The following EYS variants were observed in gnomAD, a reference collection of about 807,000 sequenced individuals.
EYS encodes the protein EGF-like photoreceptor maintenance factor.
EYS carries 250 observed loss-of-function variants against 282.1 expected under a neutral mutation model. The ratio of observed to expected loss-of-function variants is 0.89; its 90% CI spans 0.80 to 0.98. The LOEUF is 0.98. Among genes scored for constraint, EYS ranks in the 50% least tolerant of loss-of-function variants. The pLI is 0.00. For missense variants in EYS, 4,016 were observed against 3,709.0 expected (o/e 1.08, Z -2.15); for synonymous variants, 1,355 against 1,282.9 (o/e 1.06, Z -1.20).
intron 22 of EYS, among the ~76,000 whole-genome samples, chr6:64,792,931 C>T (rs184341095): frequency 6.7e-6 from 1 of 149,830 alleles, no homozygotes; most frequent in Admixed American, 6.8e-5. Flanking sequence ...ATTGTTATGG[C>T]TGATTTTTTA....
At chr6:65,543,328 A>G (rs1021776774) in intron 2 of EYS, among the ~76,000 whole-genome samples, 3 of 150,480 alleles carry the variant, frequency 2.0e-5, no homozygotes, top group African/African-American at 7.3e-5. Context: ...ATTATTTTAC[A>G]TTGGTATTTT....
At chr6:64,583,738 T>C (rs1766145811) in intron 26 of EYS, among the ~76,000 whole-genome samples, 1 of 151,886 alleles carries the variant, frequency 6.6e-6, no homozygotes, top group African/African-American at 2.4e-5. Context: ...GAGGTTGCAG[T>C]GAGTCGAGAT....
intron 22 of EYS, among the ~76,000 whole-genome samples, chr6:64,772,583 A>G (rs1218721660): frequency 6.6e-6 from 1 of 151,744 alleles, no homozygotes; most frequent in Non-Finnish European, 1.5e-5. Context: ...CTGTTGTGCT[A>G]TCAAATACTA....
intron 31 of EYS, among the ~76,000 whole-genome samples, chr6:64,102,704 A>G (rs1772873265): frequency 1.3e-5 from 2 of 152,206 alleles, no homozygotes; most frequent in Admixed American, 1.3e-4. Context: ...TTTTTAAAAT[A>G]CTACCAAAAT....
intron 30 of EYS, among the ~76,000 whole-genome samples, chr6:64,267,556 A>G (rs751022044): frequency 2.0e-5 from 3 of 152,124 alleles, no homozygotes; most frequent in African/African-American, 4.8e-5. Flanking sequence ...AGACCTAAAT[A>G]TAAGAAATAC....
intron 31 of EYS, among the ~76,000 whole-genome samples, chr6:64,207,037 A>G (rs1354627898): frequency 6.6e-6 from 1 of 151,994 alleles, no homozygotes; most frequent in Non-Finnish European, 1.5e-5. Flanking sequence ...ATGTGTCCTC[A>G]TCATTTAGCT....
At chr6:65,394,693 G>GGTTT (rs1766205719) in intron 7 of EYS, among the ~76,000 whole-genome samples, 1 of 152,090 alleles carries the variant, frequency 6.6e-6, no homozygotes, top group African/African-American at 2.4e-5. Flanking sequence ...ATCCCAGGAA[G>GGTTT]CCAGTGGTTT....
At position 64,374,640 on chromosome 6, in the gene EYS, A is replaced by C. The variant is rs114296731; in HGVS notation, c.6078+14050T>G. Among the ~76,000 whole-genome samples the C allele has an allele frequency of 3.8e-3, 580 of 152,248 alleles. 4 individuals carry two copies. The highest frequency in any genetic ancestry group is 0.013 in the African/African-American group (539 of 41,548). The stretch of plus-strand genomic sequence containing the variant: ...TAATTGATCCCAACTAGTTTCTCAG[A>C]TGATCAGCCTTACAGGGCCACTGCT... On this transcript the variant is annotated intron_variant, in intron 29 of 42. Coordinates refer to ENST00000503581, the MANE Select transcript of EYS (RefSeq NM_001142800.2).
At chr6:64,138,887 A>C (rs1325921545) in intron 31 of EYS, among the ~76,000 whole-genome samples, 1 of 152,192 alleles carries the variant, frequency 6.6e-6, no homozygotes, top group Non-Finnish European at 1.5e-5. Context: ...TTTTATGCCT[A>C]GTGTTCCATT....
chr6:64,733,503 A>G (rs1351682845), intron 22 of EYS: 1 of 187,724 alleles, frequency 5.3e-6, no homozygotes, highest in Non-Finnish European at 1.2e-5. Flanking sequence ...CTCTGAGCCC[A>G]TTGTCATGGC....
chr6:64,130,332 G>A (rs1175302023), intron 31 of EYS, among the ~76,000 whole-genome samples: 1 of 152,102 alleles, frequency 6.6e-6, no homozygotes, highest in Non-Finnish European at 1.5e-5. Context: ...CCTTTGTAGG[G>A]ACATGGATGA....
chr6:63,882,068 G>T (rs1039949016), intron 35 of EYS, among the ~76,000 whole-genome samples: 1 of 152,140 alleles, frequency 6.6e-6, no homozygotes, highest in African/African-American at 2.4e-5. Flanking sequence ...GAAAAAACCT[G>T]CAGCTACTTT....
At chr6:64,821,822 T>C (rs956212923) in intron 20 of EYS, 99 bp from the exon 21 acceptor site, 1 of 659,624 alleles carries the variant, frequency 1.5e-6, no homozygotes, top group Admixed American at 3.0e-5. Flanking sequence ...CTAGTTCAGG[T>C]GAAAAAAGCA....
At chr6:65,034,499 G>T (rs904793054) in intron 13 of EYS, among the ~76,000 whole-genome samples, 1 of 151,986 alleles carries the variant, frequency 6.6e-6, no homozygotes, top group Non-Finnish European at 1.5e-5. Context: ...GGCTTGTTTT[G>T]TCTTTACTAT....
At chr6:65,560,938 AT>A (rs902634411) in intron 2 of EYS, among the ~76,000 whole-genome samples, 5 of 151,602 alleles carry the variant, frequency 3.3e-5, no homozygotes, top group East Asian at 1.9e-4. Flanking sequence ...AAGCCTGAAG[AT>A]TTTTTTTTAA....
intron 18 of EYS, among the ~76,000 whole-genome samples, chr6:64,896,143 A>G (rs2150068436): frequency 6.6e-6 from 1 of 152,332 alleles, no homozygotes; most frequent in Admixed American, 6.5e-5. Context: ...CTGACTCAGC[A>G]AGATGGCAGA....
chr6:64,779,972 T>C (rs1773808301), intron 22 of EYS, among the ~76,000 whole-genome samples: 1 of 152,196 alleles, frequency 6.6e-6, no homozygotes, highest in Non-Finnish European at 1.5e-5. Context: ...TCTAGATTTA[T>C]GCAATACTTA....
chr6:64,546,187 G>A (rs1355054493), intron 26 of EYS, among the ~76,000 whole-genome samples: 2 of 152,052 alleles, frequency 1.3e-5, no homozygotes, highest in African/African-American at 4.8e-5. Context: ...TAGACCAATG[G>A]AACAGAACAG....
intron 26 of EYS, among the ~76,000 whole-genome samples, chr6:64,581,877 G>C (rs1766081679): frequency 6.6e-6 from 1 of 152,150 alleles, no homozygotes; most frequent in South Asian, 2.1e-4. Flanking sequence ...CATCAGAGTG[G>C]TAGAGAAGAC....
Sources: gnomAD v4.1 joint callset for allele counts (sites outside exome capture counted in the v4.1 genomes callset) on GRCh38, gnomAD v4.1.1 for gene constraint, MANE v1.5 for transcripts, NCBI Gene and HGNC (gene_info 2026-07-23, HGNC 2026-07-21) for gene names.